Variants in JAM3 observed in about 807,000 individuals in gnomAD.
JAM3 encodes the protein junctional adhesion molecule 3.
A neutral mutation model predicts 39.4 loss-of-function variants in JAM3; 31 were observed. The ratio of observed to expected loss-of-function variants is 0.79; its 90% confidence interval spans 0.59 to 1.06. The LOEUF is 1.06. Ranked by LOEUF, JAM3 falls within the 50% of genes least tolerant of loss-of-function variation. The pLI, the probability that JAM3 is intolerant of heterozygous loss-of-function variation, is 0.00. For synonymous variants in JAM3, 182 were observed against 148.7 expected, an observed-to-expected ratio of 1.22 and a Z score of -1.63; for missense variants, 455 against 391.4, an observed-to-expected ratio of 1.16 and a Z score of -1.37.
chr11:134,111,849 A>G (rs537588026), intron 1 of JAM3, among the ~76,000 whole-genome samples: 80 of 152,326 alleles, frequency 5.3e-4, no homozygotes, highest in African/African-American at 1.7e-3. Context: ...TCCATAAATT[A>G]ATAAGATACC....
intron 1 of JAM3, among the ~76,000 whole-genome samples, chr11:134,076,828 T>A (rs1591767668): frequency 6.8e-6 from 1 of 147,384 alleles, no homozygotes; most frequent in East Asian, 2.0e-4. Flanking sequence ...CACTAACATC[T>A]ATTGCTTTTT....
intron 1 of JAM3, among the ~76,000 whole-genome samples, chr11:134,103,643 G>A (rs1474233650): frequency 6.6e-6 from 1 of 152,094 alleles, no homozygotes; most frequent in African/African-American, 2.4e-5. Flanking sequence ...ACACACATAG[G>A]CTTAAAATAA....
rs1461242055 is a variant in JAM3 at position 134,149,230 on chromosome 11, T to C, written c.*49T>C. ...CACAGAGCGCACGTGCACATACCTCTGCTAGAAACTCCTGTCAAGGCAGCG... is the reference window on the plus strand; with the variant it reads ...CACAGAGCGCACGTGCACATACCTCCGCTAGAAACTCCTGTCAAGGCAGCG... On this transcript the variant is annotated 3_prime_UTR_variant, in exon 9 of 9. Transcript: ENST00000299106. 1.2e-6 allele frequency: 2 copies of C among 1,610,354 alleles called. No homozygotes were observed. The highest frequency in any genetic ancestry group is 1.7e-6 in the Non-Finnish European group (2 of 1,176,882).
intron 1 of JAM3, among the ~76,000 whole-genome samples, chr11:134,132,514 C>T (rs539549719): frequency 3.9e-5 from 6 of 152,190 alleles, no homozygotes; most frequent in South Asian, 2.1e-4. Flanking sequence ...GCTAATTTCA[C>T]GAGTTAATAT....
chr11:134,139,610 C>T (rs1340987468), intron 1 of JAM3: 7 of 531,914 alleles, frequency 1.3e-5, no homozygotes, highest in Non-Finnish European at 2.4e-5. Context: ...TGTTCTGGGA[C>T]TAAAAAGGAG....
chr11:134,089,199 C>T (rs1034076839), intron 1 of JAM3, among the ~76,000 whole-genome samples: 5 of 152,116 alleles, frequency 3.3e-5, no homozygotes, highest in African/African-American at 1.2e-4. Context: ...CTTTCCAGTT[C>T]GTGGTTTTTA....
At position 134,144,342 on chromosome 11, in the gene JAM3, C is replaced by A; in HGVS notation, c.358C>A (p.Arg120=). Residue 120 remains arginine (R), a synonymous_variant, in exon 4 of 9, where the codon CGA becomes AGA. Transcript: ENST00000299106. ...SALYRCEVVA[R]NDRKEIDEIV... The stretch of plus-strand genomic sequence containing the variant: ...CCTTTATCGCTGTGAGGTCGTTGCT[C>A]GAAATGACCGCAAGGAAATTGATGA... The A allele has an allele frequency of 6.2e-7, 1 of 1,614,124 alleles. No homozygotes were observed. Among genetic ancestry groups the A allele is most frequent in the South Asian group, 1.1e-5 (1 of 91,070 alleles).
chr11:134,085,460 A>AT (rs1941733349), intron 1 of JAM3, among the ~76,000 whole-genome samples: 1 of 152,122 alleles, frequency 6.6e-6, no homozygotes, highest in South Asian at 2.1e-4. Context: ...ACATATTGTT[A>AT]TTTTTCTAAA....
intron 1 of JAM3, among the ~76,000 whole-genome samples, chr11:134,133,977 T>C (rs74320552): frequency 6.6e-6 from 1 of 152,240 alleles, no homozygotes; most frequent in African/African-American, 2.4e-5. Context: ...CTCTGATTAA[T>C]ATGCTAAGGG....
At chr11:134,122,011 G>C (rs1358104444) in intron 1 of JAM3, among the ~76,000 whole-genome samples, 1 of 152,152 alleles carries the variant, frequency 6.6e-6, no homozygotes, top group Non-Finnish European at 1.5e-5. Context: ...TTTTGAAATG[G>C]AGAATTTTGG....
chr11:134,085,805 G>T (rs934847348), intron 1 of JAM3, among the ~76,000 whole-genome samples: 1 of 152,202 alleles, frequency 6.6e-6, no homozygotes, highest in Non-Finnish European at 1.5e-5. Context: ...ATTGATAAGA[G>T]AACATCACAG....
At chr11:134,112,340 A>G (rs1160263367) in intron 1 of JAM3, among the ~76,000 whole-genome samples, 1 of 152,112 alleles carries the variant, frequency 6.6e-6, no homozygotes, top group East Asian at 1.9e-4. Flanking sequence ...CACCTGTCTC[A>G]GCCTCCCAAA....
chr11:134,132,010 C>CAGAAAGATTATTTTG (rs1430771522), intron 1 of JAM3, among the ~76,000 whole-genome samples: 1 of 151,980 alleles, frequency 6.6e-6, no homozygotes, highest in Non-Finnish European at 1.5e-5. Flanking sequence ...AAATACTGGG[C>CAGAAAGATTATTTTG]AGAAAGATTA....
intron 3 of JAM3, among the ~76,000 whole-genome samples, chr11:134,142,134 G>C (rs1942986184): frequency 6.6e-6 from 1 of 152,166 alleles, no homozygotes; most frequent in Non-Finnish European, 1.5e-5. Context: ...GAGGAACCAG[G>C]TGAGAAACTC....
At chr11:134,085,790 TATTC>T (rs1565483384) in intron 1 of JAM3, among the ~76,000 whole-genome samples, 1 of 152,194 alleles carries the variant, frequency 6.6e-6, no homozygotes, top group Non-Finnish European at 1.5e-5. Flanking sequence ...TACATACAAA[TATTC>T]ATTGATAAGA....
chr11:134,136,974 G>A (rs1285846422), intron 1 of JAM3, among the ~76,000 whole-genome samples: 11 of 152,232 alleles, frequency 7.2e-5, no homozygotes, highest in South Asian at 2.1e-4. Context: ...TTAGCCAGGC[G>A]TGGTGGTGGG....
chr11:134,087,954 G>C (rs1287764592), intron 1 of JAM3, among the ~76,000 whole-genome samples: 1 of 152,156 alleles, frequency 6.6e-6, no homozygotes, highest in African/African-American at 2.4e-5. Flanking sequence ...CTAAATACAA[G>C]TGGCAATATC....
At position 134,144,253 on chromosome 11, in the gene JAM3, G is replaced by T; in HGVS notation, c.269G>T (p.Gly90Val). The change falls in exon 4 of 9, where the codon GGT (glycine) becomes GTT (valine). Residue 90 changes from glycine to valine, a missense_variant. Coordinates refer to ENST00000299106, the MANE Select transcript of JAM3 (RefSeq NM_032801.5). Reference protein sequence around the residue: ...FDNKIQGDLAGRAEILGKTSL... With the variant: ...FDNKIQGDLAVRAEILGKTSL... ...GTCTTTTCTGTAGGAGACTTGGCGG[G>T]TCGTGCAGAAATACTGGGGAAGACA... 1 of 1,614,204 alleles carries T rather than the reference G, an allele frequency of 6.2e-7. No individual in the cohort carries two copies. Among genetic ancestry groups the T allele is most frequent in the Non-Finnish European group, 8.5e-7 (1 of 1,180,022 alleles).
At chr11:134,125,329 C>T (rs1186554671) in intron 1 of JAM3, among the ~76,000 whole-genome samples, 5 of 152,200 alleles carry the variant, frequency 3.3e-5, no homozygotes, top group Admixed American at 6.5e-5. Flanking sequence ...TTTTAGGTCG[C>T]TTCCCTTGCA....
Sources: gnomAD v4.1 joint callset for allele counts (sites outside exome capture counted in the v4.1 genomes callset) on GRCh38, gnomAD v4.1.1 for gene constraint, MANE v1.5 for transcripts, NCBI Gene and HGNC (gene_info 2026-07-23, HGNC 2026-07-21) for gene names.